The following CASS4 variants were observed in gnomAD, a reference collection of about 807,000 sequenced individuals.
The protein encoded by CASS4 is Cas scaffold protein family member 4, also known as cas scaffolding protein family member 4.
In CASS4, 22 loss-of-function variants were observed where a neutral mutation model predicts 54.2. That is an observed-to-expected ratio of 0.41 (90% CI 0.29 to 0.58). The LOEUF is 0.58. Ranked by LOEUF, CASS4 falls within the 20% of genes least tolerant of loss-of-function variation. The pLI is 0.36. For synonymous variants in CASS4, 409 were observed against 391.5 expected (o/e 1.04, Z -0.53); for missense variants, 854 against 986.7 (o/e 0.87, Z 1.80).
chr20:56,427,184 A>C (rs888635478), intron 1 of CASS4, among the ~76,000 whole-genome samples: 25 of 151,868 alleles, frequency 1.6e-4, no homozygotes, highest in Admixed American at 5.2e-4. Context: ...AAAAAAAAAA[A>C]AAAAAAAACC....
At chr20:56,419,247 A>T (rs753941603) in intron 1 of CASS4, among the ~76,000 whole-genome samples, 2 of 152,202 alleles carry the variant, frequency 1.3e-5, no homozygotes, top group Non-Finnish European at 2.9e-5. Flanking sequence ...GAACACTCCA[A>T]CTTGAGTTGC....
At chr20:56,445,318 A>T (rs775977650) in intron 2 of CASS4, among the ~76,000 whole-genome samples, 1 of 152,070 alleles carries the variant, frequency 6.6e-6, no homozygotes, top group Non-Finnish European at 1.5e-5. Context: ...TGCCAGCTGC[A>T]GCTCAACTGG....
intron 5 of CASS4, among the ~76,000 whole-genome samples, chr20:56,456,258 A>G (rs1981288237): frequency 6.6e-6 from 1 of 151,728 alleles, no homozygotes; most frequent in African/African-American, 2.4e-5. Flanking sequence ...ATCTCCACAC[A>G]TTTCCAGCAC....
intron 1 of CASS4, among the ~76,000 whole-genome samples, chr20:56,425,552 G>A (rs754283564): frequency 1.2e-4 from 19 of 152,174 alleles, no homozygotes; most frequent in Non-Finnish European, 2.2e-4. Flanking sequence ...CTTCCTGCAT[G>A]TGGCAAACTG....
chr20:56,426,176 C>T (rs1979628057), intron 1 of CASS4, among the ~76,000 whole-genome samples: 1 of 152,264 alleles, frequency 6.6e-6, no homozygotes, highest in Non-Finnish European at 1.5e-5. Flanking sequence ...AGACCCAAAA[C>T]TGCCTGCATT....
chr20:56,437,721 C>T lies in CASS4; in HGVS notation c.459+135C>T, dbSNP rs372994301. ...AGCCCAGATTGCTGGCAATCACGCT[C>T]GGGGAGCTTGTGTGCCAGGTTGGGA... On this transcript the variant is annotated intron_variant, in intron 2 of 5. Coordinates refer to ENST00000679887, the MANE Select transcript of CASS4 (RefSeq NM_020356.4). The surrounding 1 kb of genome is among the most constrained non-coding windows in gnomAD (Gnocchi z 4.7). The T allele has an allele frequency of 2.3e-4, 188 of 814,562 alleles. No individual in the cohort carries two copies. The African/African-American group carries it at 3.0e-3, about 13-fold the overall frequency. The allele number at this position is 814,562 out of a possible 1,614,324, so 50.5% of individuals were successfully genotyped here. A position where few individuals can be genotyped will look rare whatever the true frequency, so the allele number is the denominator to read the frequency against.
At chr20:56,458,033 A>AAT in intron 5 of CASS4, among the ~76,000 whole-genome samples, 1 of 151,274 alleles carries the variant, frequency 6.6e-6, no homozygotes, top group African/African-American at 2.4e-5. Context: ...AAAAAAAAAA[A>AAT]AAAGTTATAA....
intron 5 of CASS4, among the ~76,000 whole-genome samples, chr20:56,454,518 T>C (rs1981192612): frequency 6.6e-6 from 1 of 152,246 alleles, no homozygotes; most frequent in African/African-American, 2.4e-5. Context: ...AAGTCTCCTT[T>C]GGTTGAGAAA....
chr20:56,420,633 A>G (rs1248852551), intron 1 of CASS4, among the ~76,000 whole-genome samples: 1 of 150,502 alleles, frequency 6.6e-6, no homozygotes, highest in African/African-American at 2.5e-5. Context: ...GACCTCAAGC[A>G]GTCCTCCTGC....
rs1007242849 is a variant in CASS4, at chr20:56,429,937, C to A, written c.37-7227C>A. ...TTGTATTTTCTTTCCATCTCACTTA[C>A]AAGAGATGGAAACCCTGTATTTATT... On this transcript the variant is annotated intron_variant, in intron 1 of 5. Coordinates refer to ENST00000679887, the MANE Select transcript of CASS4 (RefSeq NM_020356.4). Among the ~76,000 whole-genome samples the A allele has an allele frequency of 3.3e-5, 5 of 152,084 alleles. No individual in the cohort carries two copies. In the South Asian group the frequency reaches 8.3e-4, roughly 25 times the overall value.
intron 1 of CASS4, among the ~76,000 whole-genome samples, chr20:56,419,259 A>G (rs1979297352): frequency 6.6e-6 from 1 of 152,218 alleles, no homozygotes; most frequent in Admixed American, 6.5e-5. Flanking sequence ...TTGAGTTGCA[A>G]AAAAAGGAAA....
intron 1 of CASS4, among the ~76,000 whole-genome samples, chr20:56,425,488 G>T (rs145340947): frequency 2.2e-3 from 340 of 152,364 alleles, no homozygotes; most frequent in Non-Finnish European, 4.0e-3. Flanking sequence ...GGGATGGCCA[G>T]TGAGAAGTAG....
Position 56,435,202 on chromosome 20 carries a change from G to T in CASS4, c.37-1962G>T, listed in dbSNP as rs182008718. On this transcript the variant is annotated intron_variant, in intron 1 of 5. Coordinates refer to ENST00000679887, the MANE Select transcript of CASS4 (RefSeq NM_020356.4). ...TGTCTGGTTAAGATGGTATTTTTCA[G>T]CATTGGTCTTCCAATTCCATTTTTG... Among the ~76,000 whole-genome samples the T allele has an allele frequency of 3.2e-4, 48 of 152,270 alleles. No individual in the cohort carries two copies. The East Asian group carries it at 6.4e-3, about 20-fold the overall frequency.
intron 1 of CASS4, among the ~76,000 whole-genome samples, chr20:56,425,328 T>A (rs548824381): frequency 6.6e-6 from 1 of 152,360 alleles, no homozygotes; most frequent in Admixed American, 6.5e-5. Flanking sequence ...AGATCCCATT[T>A]AACAGTCATT....
chr20:56,437,402 C>A lies in CASS4; in HGVS notation c.275C>A (p.Ala92Asp), dbSNP rs1170446757. The A allele has an allele frequency of 4.3e-6, 7 of 1,613,934 alleles. No homozygotes were observed. Among genetic ancestry groups the A allele is most frequent in the Non-Finnish European group, 5.9e-6 (7 of 1,179,928 alleles). ...CTGAGAGGCCTGGAAGAAGCTCCTG[C>A]CAGCTCAGAGGAGACCTATCAGGTG... ...PFLRGLEEAP[A>D]SSEETYQVPT... Residue 92 changes from alanine to aspartate, a missense_variant, in exon 2 of 6, where the codon GCC becomes GAC. Physicochemically the swap from Ala to Asp is moderately radical, Grantham distance 126 (BLOSUM62 -2). Transcript: ENST00000679887. The surrounding 1 kb of genome is among the most constrained non-coding windows in gnomAD (Gnocchi z 4.7).
In CASS4 at chr20:56,436,360, G is replaced by GTGTA. The variant is rs560837211; in HGVS notation, c.37-803_37-802insGTAT. On this transcript the variant is annotated intron_variant, in intron 1 of 5. Transcript: ENST00000679887. ...TATGTGTGTGTGTGTGTGTGTGTGT[G>GTGTA]TATATATATATATGTATATATATAT... Among the ~76,000 whole-genome samples the GTGTA allele has an allele frequency of 3.9e-3, 532 of 137,844 alleles. 5 individuals carry two copies. The highest frequency in any genetic ancestry group is 0.014 in the African/African-American group (499 of 36,586). The allele number at this position is 137,844 out of a possible 152,430, so 90.4% of individuals were successfully genotyped here. A position where few individuals can be genotyped will look rare whatever the true frequency, so the allele number is the denominator to read the frequency against.
intron 3 of CASS4, among the ~76,000 whole-genome samples, chr20:56,449,906 T>C (rs1055316544): frequency 6.6e-6 from 1 of 152,090 alleles, no homozygotes; most frequent in African/African-American, 2.4e-5. Context: ...GAAGACATAT[T>C]AGGTCTCAGT....
At chr20:56,444,069 C>T (rs910667928) in intron 2 of CASS4, among the ~76,000 whole-genome samples, 1 of 152,188 alleles carries the variant, frequency 6.6e-6, no homozygotes, top group African/African-American at 2.4e-5. Flanking sequence ...CGCATTGCGG[C>T]TGCTTTGTCT....
intron 1 of CASS4, among the ~76,000 whole-genome samples, chr20:56,420,575 A>G (rs1434697820): frequency 7.7e-6 from 1 of 130,356 alleles, no homozygotes; most frequent in African/African-American, 2.9e-5. Flanking sequence ...TTTTTTTTGT[A>G]GAGATGAGGG....
Sources: allele counts gnomAD v4.1 joint callset (sites outside exome capture counted in the v4.1 genomes callset), GRCh38; gene constraint gnomAD v4.1.1; non-coding constraint Gnocchi (gnomAD v3.1); transcripts MANE v1.5; gene names NCBI Gene and HGNC (gene_info 2026-07-23, HGNC 2026-07-21).